Variants in USP9Y observed in about 807,000 individuals in gnomAD.
USP9Y encodes the protein ubiquitin specific peptidase 9 Y-linked.
In USP9Y, 41 loss-of-function variants were observed where a neutral mutation model predicts 53.1. That is an observed-to-expected ratio of 0.77 (90% CI 0.60 to 1.00). The LOEUF (loss-of-function observed/expected upper bound fraction) is 1.00, where lower values mean the gene tolerates loss of function less well. Among genes scored for constraint, USP9Y ranks in the 50% least tolerant of loss-of-function variants. USP9Y has a pLI of 0.00. For synonymous variants in USP9Y, 220 were observed against 173.7 expected (o/e 1.27, Z -2.09); for missense variants, 567 against 535.8 (o/e 1.06, Z -0.58).
At chrY:12,811,291 G>A in intron 29 of USP9Y, among the ~76,000 whole-genome samples, 1 of 33,263 alleles carries the variant, frequency 3.0e-5, no homozygotes, top group South Asian at 6.6e-4. Context: ...TACGGAGCAC[G>A]GTTTTTGAAC....
Position 12,841,031 on chromosome Y carries a change from A to G in USP9Y, c.6110A>G (p.Glu2037Gly). ...AAAGGGCAGGATTATTTGTTGCCTG[A>G]AGCAGAAGAAATTACTATGATTAGT... ...PAPGQDYLLP[E>G]AEEITMISIQ... Residue 2037 changes from glutamate to glycine, a missense_variant, in exon 37 of 46, where the codon GAA becomes GGA. Glu to Gly is a moderately conservative substitution (Grantham distance 98, BLOSUM62 -2). Coordinates refer to ENST00000338981, the MANE Select transcript of USP9Y (RefSeq NM_004654.4). 1 of 394,886 alleles carries G rather than the reference A, an allele frequency of 2.5e-6. No homozygotes were observed. Among genetic ancestry groups the G allele is most frequent in the South Asian group, 3.0e-5 (1 of 33,626 alleles).
intron 33 of USP9Y, among the ~76,000 whole-genome samples, chrY:12,827,145 C>T (rs2053547084): frequency 3.0e-5 from 1 of 33,203 alleles, no homozygotes; most frequent in Non-Finnish European, 7.4e-5. Flanking sequence ...ACATGTAAAT[C>T]GGGAAACAAA....
chrY:12,778,385 A>G (rs942145182), intron 20 of USP9Y, 126 bp downstream of exon 20: 2 of 221,965 alleles, frequency 9.0e-6, no homozygotes, highest in Admixed American at 2.3e-4. Flanking sequence ...TATTATGTAC[A>G]AACTTCTGTG....
At chrY:12,788,467 C>A (rs2053504100) in intron 24 of USP9Y, among the ~76,000 whole-genome samples, 1 of 33,144 alleles carries the variant, frequency 3.0e-5, no homozygotes, top group Non-Finnish European at 7.4e-5. Flanking sequence ...TACTTAGTAC[C>A]TAGTATAAAA....
chrY:12,714,208 C>T, intron 3 of USP9Y, among the ~76,000 whole-genome samples: 2 of 30,253 alleles, frequency 6.6e-5, no homozygotes, highest in Non-Finnish European at 1.6e-4. Flanking sequence ...AATTTTCAGC[C>T]TATTTTTCTC....
At chrY:12,778,799 G>T in intron 21 of USP9Y, 44 bp downstream of exon 21, 1 of 355,620 alleles carries the variant, frequency 2.8e-6, no homozygotes, top group Non-Finnish European at 4.1e-6. Context: ...GTGTAGAATA[G>T]TTCTTTTTCT....
chrY:12,735,827 T>G, intron 8 of USP9Y, 100 bp downstream of exon 8: 1 of 257,564 alleles, frequency 3.9e-6, no homozygotes, highest in South Asian at 4.1e-5. Flanking sequence ...TTATACAAAT[T>G]ACTATTTTAT....
chrY:12,738,832 G>A (rs2053454482), intron 11 of USP9Y, among the ~76,000 whole-genome samples: 1 of 33,394 alleles, frequency 3.0e-5, no homozygotes, highest in Non-Finnish European at 7.4e-5. Flanking sequence ...GAGCCACTGC[G>A]CTTGGCCATA....
intron 33 of USP9Y, among the ~76,000 whole-genome samples, chrY:12,822,990 C>G: frequency 3.1e-5 from 1 of 32,445 alleles, no homozygotes; most frequent in East Asian, 8.1e-4. Flanking sequence ...CTCAGCCTAC[C>G]GAGTAGCTGG....
intron 15 of USP9Y, among the ~76,000 whole-genome samples, chrY:12,765,355 G>A: frequency 3.1e-5 from 1 of 32,398 alleles, no homozygotes; most frequent in Non-Finnish European, 7.5e-5. Flanking sequence ...AGGCACACTC[G>A]TGTAACTTTA....
chrY:12,837,281 T>C (rs2053555962), intron 34 of USP9Y, among the ~76,000 whole-genome samples: 1 of 33,091 alleles, frequency 3.0e-5, no homozygotes, highest in African/African-American at 1.2e-4. Context: ...ACCAGTTTTA[T>C]GGAAGATCAT....
intron 7 of USP9Y, 75 bp downstream of exon 7, chrY:12,726,868 G>T: frequency 4.0e-6 from 1 of 251,361 alleles, no homozygotes; most frequent in Non-Finnish European, 6.5e-6. Flanking sequence ...TTAGTGATGT[G>T]AACCTGTCTT....
Position 12,833,819 on chromosome Y carries a change from G to T in USP9Y, c.5153G>T (p.Gly1718Val). The stretch of plus-strand genomic sequence containing the variant: ...GCTATACTAAGTAAAGTCCTAGGAG[G>T]CTCCTTTGCTGATCAGAAGATCTGC... ...HPAILSKVLG[G>V]SFADQKICQG... is the part of the protein sequence containing the mutation. The change falls in exon 34 of 46, where the codon GGC (glycine) becomes GTC (valine). Residue 1718 changes from glycine (G) to valine (V), a missense_variant. Coordinates refer to ENST00000338981, the MANE Select transcript of USP9Y (RefSeq NM_004654.4). 1 of 397,594 alleles carries T rather than the reference G, an allele frequency of 2.5e-6. No individual in the cohort carries two copies. The highest frequency in any genetic ancestry group is 3.5e-6 in the Non-Finnish European group (1 of 283,229).
At chrY:12,739,674 C>T in intron 12 of USP9Y, 45 bp downstream of exon 12, 2 of 264,780 alleles carry the variant, frequency 7.6e-6, no homozygotes, top group East Asian at 1.0e-4. Context: ...TAAATATTGC[C>T]AGTTAATTCT....
chrY:12,726,518 T>C, intron 6 of USP9Y, 57 bp from the exon 7 acceptor site: 1 of 283,097 alleles, frequency 3.5e-6, no homozygotes, highest in Non-Finnish European at 5.6e-6. Flanking sequence ...ATTAAATGTG[T>C]TTGAAATTGC....
chrY:12,735,411 T>C (rs2053450586), intron 7 of USP9Y, among the ~76,000 whole-genome samples: 1 of 33,649 alleles, frequency 3.0e-5, no homozygotes, highest in East Asian at 7.7e-4. Flanking sequence ...CTGAAAGATA[T>C]AGAAAACAAA....
At chrY:12,817,040 C>T (rs2053537170) in intron 32 of USP9Y, among the ~76,000 whole-genome samples, 1 of 34,364 alleles carries the variant, frequency 2.9e-5, no homozygotes, top group Non-Finnish European at 7.3e-5. Flanking sequence ...GGGCAGATCA[C>T]CTGAGGTGGG....
At chrY:12,785,062 A>C in intron 22 of USP9Y, among the ~76,000 whole-genome samples, 1 of 33,339 alleles carries the variant, frequency 3.0e-5, no homozygotes, top group African/African-American at 1.2e-4. Flanking sequence ...TGTATAGTTC[A>C]TTAGTAATAA....
chrY:12,823,481 T>C, intron 33 of USP9Y, among the ~76,000 whole-genome samples: 1 of 33,129 alleles, frequency 3.0e-5, no homozygotes, highest in Non-Finnish European at 7.4e-5. Flanking sequence ...CAACCTGCCT[T>C]ATTTCATTGT....
Sources: gnomAD v4.1 joint callset for allele counts (sites outside exome capture counted in the v4.1 genomes callset) on GRCh38, gnomAD v4.1.1 for gene constraint, MANE v1.5 for transcripts, NCBI Gene and HGNC (gene_info 2026-07-23, HGNC 2026-07-21) for gene names.